CDKAL1: variants seen among roughly 807,000 people sequenced by gnomAD.
The protein encoded by CDKAL1 is CDKAL1 threonylcarbamoyladenosine tRNA methylthiotransferase, also known as threonylcarbamoyladenosine tRNA methylthiotransferase.
CDKAL1 carries 32 observed loss-of-function variants against 68.2 expected under a neutral mutation model. The ratio of observed to expected loss-of-function variants is 0.47; its 90% CI spans 0.35 to 0.63. CDKAL1 has a LOEUF of 0.63. Ranked by LOEUF, CDKAL1 falls within the 30% of genes least tolerant of loss-of-function variation. The pLI, the probability that CDKAL1 is intolerant of heterozygous loss-of-function variation, is 0.00. For missense variants in CDKAL1, 606 were observed against 696.7 expected (o/e 0.87, Z 1.47); for synonymous variants, 234 against 244.3 (o/e 0.96, Z 0.39).
At chr6:20,557,550 T>A (rs1764104589) in intron 4 of CDKAL1, among the ~76,000 whole-genome samples, 1 of 152,210 alleles carries the variant, frequency 6.6e-6, no homozygotes, top group Non-Finnish European at 1.5e-5. Flanking sequence ...TATATATATG[T>A]ATACATATGT....
At chr6:20,642,051 T>C (rs140281696) in intron 4 of CDKAL1, among the ~76,000 whole-genome samples, 9 of 152,326 alleles carry the variant, frequency 5.9e-5, no homozygotes, top group African/African-American at 2.2e-4. Context: ...TCTATTTTGA[T>C]ACGAGAATAT....
At chr6:21,062,581 T>C (rs1199869274) in intron 11 of CDKAL1, among the ~76,000 whole-genome samples, 1 of 152,244 alleles carries the variant, frequency 6.6e-6, no homozygotes, top group Non-Finnish European at 1.5e-5. Context: ...ATATTGTCTC[T>C]TTTTCTATTT....
intron 4 of CDKAL1, among the ~76,000 whole-genome samples, chr6:20,552,618 A>ATT (rs11320714): frequency 2.2e-5 from 3 of 139,226 alleles, no homozygotes; most frequent in African/African-American, 7.9e-5. Flanking sequence ...TTGAATGGGA[A>ATT]TTTTTTTTTT....
intron 9 of CDKAL1, among the ~76,000 whole-genome samples, chr6:20,925,723 G>T (rs776712656): frequency 6.6e-6 from 1 of 152,014 alleles, no homozygotes; most frequent in Admixed American, 6.6e-5. Flanking sequence ...TAGACTTACC[G>T]ATAAATGATA....
chr6:20,794,855 T>C (rs2150395904), intron 8 of CDKAL1, among the ~76,000 whole-genome samples: 2 of 152,242 alleles, frequency 1.3e-5, no homozygotes, highest in Middle Eastern at 6.8e-3. Context: ...TAGATTTTGT[T>C]TGTGGTCTGC....
At chr6:20,856,334 C>T (rs79008037) in intron 9 of CDKAL1, among the ~76,000 whole-genome samples, 2,532 of 152,262 alleles carry the variant, frequency 0.017, 75 homozygotes, top group African/African-American at 0.056. Context: ...CCATGTATGA[C>T]TTGGAACCCA....
chr6:21,185,459 G>A (rs750837265), intron 13 of CDKAL1, among the ~76,000 whole-genome samples: 12 of 152,172 alleles, frequency 7.9e-5, no homozygotes, highest in Non-Finnish European at 1.8e-4. Context: ...GATTTAAGTA[G>A]AATCTTTTAT....
At chr6:20,619,131 T>C (rs766014576) in intron 4 of CDKAL1, among the ~76,000 whole-genome samples, 1 of 152,240 alleles carries the variant, frequency 6.6e-6, no homozygotes, top group Non-Finnish European at 1.5e-5. Flanking sequence ...AAAGCTAAGC[T>C]ACCCTCATAT....
At chr6:20,620,474 A>G (rs1255168549) in intron 4 of CDKAL1, among the ~76,000 whole-genome samples, 1 of 152,174 alleles carries the variant, frequency 6.6e-6, no homozygotes, top group Non-Finnish European at 1.5e-5. Flanking sequence ...AATATTATCC[A>G]CATAAGATAG....
At chr6:21,213,539 TC>T (rs1004431996) in intron 15 of CDKAL1, among the ~76,000 whole-genome samples, 1 of 152,190 alleles carries the variant, frequency 6.6e-6, no homozygotes, top group Non-Finnish European at 1.5e-5. Flanking sequence ...GTTTTTCAGT[TC>T]CCCCTTTTCA....
chr6:20,964,104 A>G (rs999848671), intron 10 of CDKAL1, among the ~76,000 whole-genome samples: 2 of 152,206 alleles, frequency 1.3e-5, no homozygotes, highest in African/African-American at 2.4e-5. Context: ...CAAAACCACA[A>G]TGAAATACCA....
intron 9 of CDKAL1, among the ~76,000 whole-genome samples, chr6:20,952,426 G>T (rs1399148709): frequency 6.6e-6 from 1 of 152,104 alleles, no homozygotes; most frequent in Non-Finnish European, 1.5e-5. Context: ...CTGTCCCATT[G>T]TATCCCCACC....
intron 5 of CDKAL1, among the ~76,000 whole-genome samples, chr6:20,730,423 AAAGG>A (rs1772859560): frequency 1.3e-5 from 2 of 148,550 alleles, no homozygotes; most frequent in African/African-American, 5.0e-5. Context: ...GAAAGAAAAG[AAAGG>A]AAGAAAGAAA....
At chr6:20,872,059 A>C (rs563512957) in intron 9 of CDKAL1, among the ~76,000 whole-genome samples, 31 of 152,294 alleles carry the variant, frequency 2.0e-4, no homozygotes, top group African/African-American at 7.2e-4. Flanking sequence ...AGTTCCTTAG[A>C]GATTGTAGCT....
chr6:20,898,505 A>C (rs531549256), intron 9 of CDKAL1, among the ~76,000 whole-genome samples: 1 of 150,902 alleles, frequency 6.6e-6, no homozygotes, highest in Admixed American at 6.7e-5. Flanking sequence ...GTTCTTGTCA[A>C]GAATGAGCTC....
At chr6:21,091,856 T>A (rs1449920468) in intron 12 of CDKAL1, among the ~76,000 whole-genome samples, 2 of 127,042 alleles carry the variant, frequency 1.6e-5, no homozygotes, top group Non-Finnish European at 3.2e-5. Context: ...CTCAGAACTT[T>A]CTTTTTTTTT....
intron 7 of CDKAL1, among the ~76,000 whole-genome samples, chr6:20,779,385 A>G (rs1561770445): frequency 6.6e-6 from 1 of 152,232 alleles, no homozygotes; most frequent in African/African-American, 2.4e-5. Flanking sequence ...AAGCAATTCA[A>G]ATGTCAATCA....
chr6:21,129,788 G>T (rs1297722284), intron 13 of CDKAL1, among the ~76,000 whole-genome samples: 2 of 150,540 alleles, frequency 1.3e-5, no homozygotes, highest in Non-Finnish European at 1.5e-5. Context: ...CTAATGCATT[G>T]ATGGTAGATA....
At chr6:20,832,967 G>T (rs1032978729) in intron 8 of CDKAL1, among the ~76,000 whole-genome samples, 2 of 152,056 alleles carry the variant, frequency 1.3e-5, no homozygotes, top group South Asian at 2.1e-4. Context: ...AAAAGAAAAG[G>T]TCACTATTTT....
Sources: allele counts gnomAD v4.1 joint callset (sites outside exome capture counted in the v4.1 genomes callset), GRCh38; gene constraint gnomAD v4.1.1; transcripts MANE v1.5; gene names NCBI Gene and HGNC (gene_info 2026-07-23, HGNC 2026-07-21).